The following APBA2 variants were observed in gnomAD, a reference collection of about 807,000 sequenced individuals.
APBA2 encodes the protein amyloid-beta A4 precursor protein-binding family A member 2.
Under a neutral mutation model 75.0 loss-of-function variants are expected in APBA2, and 30 were observed. The ratio of observed to expected loss-of-function variants is 0.40; its 90% CI spans 0.30 to 0.54. The LOEUF (loss-of-function observed/expected upper bound fraction) is 0.54, where lower values mean the gene tolerates loss of function less well. APBA2 is among the 20% of genes least tolerant of loss of function. The probability of loss-of-function intolerance (pLI) is 0.49; values close to 1 mark genes in which losing one functional copy is unlikely to be tolerated. For synonymous variants in APBA2, 444 were observed against 409.6 expected (o/e 1.08, Z -1.01); for missense variants, 801 against 1,016.1 (o/e 0.79, Z 2.88).
At chr15:28,997,043 C>G (rs774684732) in intron 3 of APBA2, among the ~76,000 whole-genome samples, 41 of 152,228 alleles carry the variant, frequency 2.7e-4, no homozygotes, top group Non-Finnish European at 2.2e-4. Context: ...ATTTGTAAAG[C>G]AAGGCAGCTT....
At chr15:28,944,203 A>G (rs1011145211) in intron 2 of APBA2, among the ~76,000 whole-genome samples, 2 of 152,188 alleles carry the variant, frequency 1.3e-5, no homozygotes, top group Admixed American at 1.3e-4. Context: ...GAGACATTGG[A>G]AAAGAACATG....
At chr15:28,934,712 G>T (rs1303838612) in intron 2 of APBA2, among the ~76,000 whole-genome samples, 3 of 152,182 alleles carry the variant, frequency 2.0e-5, no homozygotes, top group Admixed American at 6.5e-5. Context: ...ATAGGAGATG[G>T]TTCACCTCTG....
chr15:29,091,404 C>T lies in APBA2; in HGVS notation c.1070-1671C>T, dbSNP rs2043566256. 2.6e-5 allele frequency among the ~76,000 whole-genome samples: 4 copies of T among 152,034 alleles called. No individual in the cohort carries two copies. In the South Asian group the frequency reaches 8.3e-4, roughly 32 times the overall value. ...GTGGGCTGAGCACCAACGCGAAGCT[C>T]CCCACTTGGTCTGTCTGAGCAGGTG... On this transcript the variant is annotated intron_variant, in intron 6 of 14. Transcript: ENST00000683413.
At chr15:28,986,660 T>G (rs1197796000) in intron 2 of APBA2, among the ~76,000 whole-genome samples, 1 of 152,064 alleles carries the variant, frequency 6.6e-6, no homozygotes, top group Non-Finnish European at 1.5e-5. Context: ...AGAGACGGGG[T>G]TTCACCATGT....
intron 1 of APBA2, among the ~76,000 whole-genome samples, chr15:28,886,828 G>A (rs1398224265): frequency 6.6e-6 from 1 of 152,200 alleles, no homozygotes; most frequent in Admixed American, 6.5e-5. Context: ...TTGCTCCTGG[G>A]CTGCAGGTGC....
At chr15:28,949,851 G>A (rs2035756176) in intron 2 of APBA2, among the ~76,000 whole-genome samples, 1 of 152,186 alleles carries the variant, frequency 6.6e-6, no homozygotes, top group African/African-American at 2.4e-5. Flanking sequence ...GAATTCCCAT[G>A]CTTGCTTCCT....
At position 29,054,433 on chromosome 15, in the gene APBA2, T is replaced by C. The variant is rs2041778395; in HGVS notation, c.549T>C (p.Asp183=). Residue 183 remains aspartate (D), a synonymous_variant, in exon 4 of 15, where the codon GAT becomes GAC. Coordinates refer to ENST00000683413, the MANE Select transcript of APBA2 (RefSeq NM_001353788.2). This position sits in a 1 kb window ranked among gnomAD's most constrained non-coding sequence, Gnocchi z 6.1. ...SVLEAHDQEE[D]GHYCASKEGY... ...TTGAGGCCCATGACCAGGAAGAAGA[T>C]GGTCACTACTGTGCCAGCAAAGAGG... 3.1e-6 allele frequency: 5 copies of C among 1,613,966 alleles called. No homozygotes were observed. The African/African-American group carries it at 6.7e-5, about 22-fold the overall frequency.
rs138670894 is a variant in APBA2, at chr15:28,991,211, C to A, written c.-94-4542C>A. ...TCAGCACCATCTCTGTGTGTCCCAT[C>A]AGGAAGCAACAGACAACTCCCTAAG... On this transcript the variant is annotated intron_variant, in intron 2 of 14. Coordinates refer to ENST00000683413, the MANE Select transcript of APBA2 (RefSeq NM_001353788.2). The surrounding 1 kb of genome is among the most constrained non-coding windows in gnomAD (Gnocchi z 4.7). Among the ~76,000 whole-genome samples the A allele has an allele frequency of 5.1e-3, 770 of 152,336 alleles. 7 individuals carry two copies. Among genetic ancestry groups the A allele is most frequent in the South Asian group, 0.034 (166 of 4,828 alleles).
At chr15:29,000,192 T>C (rs1265202382) in intron 3 of APBA2, among the ~76,000 whole-genome samples, 4 of 152,198 alleles carry the variant, frequency 2.6e-5, no homozygotes, top group Non-Finnish European at 5.9e-5. Context: ...CCAGTCAGGT[T>C]GATACATAAA....
chr15:28,940,608 C>A (rs533713224), intron 2 of APBA2, among the ~76,000 whole-genome samples: 1 of 151,672 alleles, frequency 6.6e-6, no homozygotes, highest in African/African-American at 2.4e-5. Flanking sequence ...CTCTGGAATC[C>A]GGAACTACAA....
intron 1 of APBA2, among the ~76,000 whole-genome samples, chr15:28,915,268 TACACACC>T (rs2033634370): frequency 6.6e-6 from 1 of 151,564 alleles, no homozygotes; most frequent in Admixed American, 6.6e-5. Context: ...ACATAGCCCA[TACACACC>T]ACACACCACA....
chr15:29,117,326 A>G lies in APBA2; in HGVS notation c.*193A>G. 2 of 608,030 alleles carry G rather than the reference A, an allele frequency of 3.3e-6. No individual in the cohort carries two copies. Among genetic ancestry groups the G allele is most frequent in the South Asian group, 3.9e-5 (2 of 51,592 alleles). The allele number at this position is 608,030 out of a possible 1,614,324, so 37.7% of individuals were successfully genotyped here. A position where few individuals can be genotyped will look rare whatever the true frequency, so the allele number is the denominator to read the frequency against. On this transcript the variant is annotated 3_prime_UTR_variant, in exon 15 of 15. Transcript: ENST00000683413. ...AAAAGGGGTATGTCTTTATCAAAGGAGAGTCACAGAACAAATGTTTGTTTG... is the reference window on the plus strand; with the variant it reads ...AAAAGGGGTATGTCTTTATCAAAGGGGAGTCACAGAACAAATGTTTGTTTG...
chr15:29,026,794 G>A (rs1276679632), intron 3 of APBA2, among the ~76,000 whole-genome samples: 2 of 152,054 alleles, frequency 1.3e-5, no homozygotes, highest in East Asian at 1.9e-4. Flanking sequence ...GGTGTTGGGC[G>A]CCCATACTCC....
At chr15:29,021,760 G>T (rs1232211923) in intron 3 of APBA2, among the ~76,000 whole-genome samples, 5 of 152,034 alleles carry the variant, frequency 3.3e-5, no homozygotes, top group Non-Finnish European at 4.4e-5. Context: ...TACTCAGCTC[G>T]GACAGCTGAT....
At chr15:29,028,951 G>T (rs2040356790) in intron 3 of APBA2, among the ~76,000 whole-genome samples, 2 of 152,078 alleles carry the variant, frequency 1.3e-5, no homozygotes, top group African/African-American at 4.8e-5. Flanking sequence ...CTCCCACTCT[G>T]TGGGTTGCCT....
At chr15:29,013,321 C>T (rs915849819) in intron 3 of APBA2, among the ~76,000 whole-genome samples, 1 of 148,146 alleles carries the variant, frequency 6.8e-6, no homozygotes, top group African/African-American at 2.5e-5. Context: ...GCTCTTTCGC[C>T]CAGGCCGGAC....
At chr15:28,920,222 G>C (rs1009304650) in intron 1 of APBA2, among the ~76,000 whole-genome samples, 2 of 152,156 alleles carry the variant, frequency 1.3e-5, no homozygotes, top group Non-Finnish European at 2.9e-5. Context: ...GCACCAGCTG[G>C]GTTTTGAAGA....
chr15:29,098,628 C>A (rs1380483876), intron 9 of APBA2, 52 bp downstream of exon 9: 3 of 1,423,982 alleles, frequency 2.1e-6, no homozygotes, highest in East Asian at 4.6e-5. Context: ...AAGTTCGACT[C>A]CTTCTTGTCC....
chr15:28,960,667 G>A (rs1406983988), intron 2 of APBA2, among the ~76,000 whole-genome samples: 1 of 151,962 alleles, frequency 6.6e-6, no homozygotes, highest in East Asian at 1.9e-4. Context: ...GATGAAAATG[G>A]AATGAGAAGC....
Sources: allele counts gnomAD v4.1 joint callset (sites outside exome capture counted in the v4.1 genomes callset), GRCh38; gene constraint gnomAD v4.1.1; non-coding constraint Gnocchi (gnomAD v3.1); transcripts MANE v1.5; gene names NCBI Gene and HGNC (gene_info 2026-07-23, HGNC 2026-07-21).